The following MCF2L variants were observed in gnomAD, a reference collection of about 807,000 sequenced individuals.
MCF2L encodes the protein MCF.2 cell line derived transforming sequence like, also known as guanine nucleotide exchange factor DBS.
In MCF2L, 97 loss-of-function variants were observed where a neutral mutation model predicts 153.4. That is an observed-to-expected ratio of 0.63 (90% CI 0.54 to 0.75). MCF2L has a LOEUF of 0.75. MCF2L is among the 30% of genes least tolerant of loss of function. The probability of loss-of-function intolerance (pLI) is 0.00; values close to 1 mark genes in which losing one functional copy is unlikely to be tolerated. For missense variants in MCF2L, 1,347 were observed against 1,495.2 expected (o/e 0.90, Z 1.64); for synonymous variants, 659 against 632.2 (o/e 1.04, Z -0.64).
chr13:112,909,389 C>A, intron 2 of MCF2L: 1 of 757,296 alleles, frequency 1.3e-6, no homozygotes, highest in Non-Finnish European at 2.5e-6. Context: ...CAGGCTAAGG[C>A]GTTGATCCCA....
chr13:113,001,883 C>CG, intron 1 of MCF2L: 3 of 1,575,050 alleles, frequency 1.9e-6, no homozygotes, highest in Non-Finnish European at 2.6e-6. Flanking sequence ...GGAGCCGGGT[C>CG]GGGGGCTCCT....
intron 1 of MCF2L, among the ~76,000 whole-genome samples, chr13:112,898,720 C>A (rs991435561): frequency 1.3e-5 from 2 of 152,212 alleles, no homozygotes; most frequent in African/African-American, 4.8e-5. Flanking sequence ...TCCCTGCCCC[C>A]CAAGTCCCTG....
chr13:112,940,936 A>G (rs2081569572), intron 2 of MCF2L, among the ~76,000 whole-genome samples: 1 of 152,136 alleles, frequency 6.6e-6, no homozygotes, highest in Non-Finnish European at 1.5e-5. Context: ...TGGGGTCATG[A>G]TCGCTGAGCC....
intron 1 of MCF2L, among the ~76,000 whole-genome samples, chr13:113,005,513 T>C (rs2083633868): frequency 6.6e-6 from 1 of 152,038 alleles, no homozygotes; most frequent in Non-Finnish European, 1.5e-5. Flanking sequence ...TGGTTTGTGG[T>C]GGCCGTGGTC....
chr13:112,920,779 G>A (rs1393920081), intron 2 of MCF2L, among the ~76,000 whole-genome samples: 1 of 152,062 alleles, frequency 6.6e-6, no homozygotes, highest in Non-Finnish European at 1.5e-5. Context: ...GATTCAGAAG[G>A]TGGAGAGGAG....
chr13:112,997,943 G>A (rs1347326504), intron 1 of MCF2L, among the ~76,000 whole-genome samples: 1 of 152,260 alleles, frequency 6.6e-6, no homozygotes, highest in Admixed American at 6.5e-5. Context: ...GCTCTTGGCT[G>A]AGGTGCTGGG....
chr13:113,096,927 C>T lies in MCF2L; in HGVS notation c.*68C>T, dbSNP rs2035720799. 2 of 1,145,878 alleles carry T rather than the reference C, an allele frequency of 1.7e-6. No individual in the cohort carries two copies. The highest frequency in any genetic ancestry group is 7.0e-5 in the East Asian group (2 of 28,570). The allele number at this position is 1,145,878 out of a possible 1,614,324, so 71.0% of individuals were successfully genotyped here. On this transcript the variant is annotated 3_prime_UTR_variant, in exon 30 of 30. Transcript: ENST00000535094. The stretch of plus-strand genomic sequence containing the variant: ...GGTGGCGTGGGGAGGGCGCGGCCCC[C>T]GGACGCCCCGAGGAAGGGGCACCTC...
chr13:112,942,043 A>C (rs2081580185), intron 2 of MCF2L, among the ~76,000 whole-genome samples: 1 of 152,210 alleles, frequency 6.6e-6, no homozygotes, highest in Non-Finnish European at 1.5e-5. Context: ...CCCACTACTT[A>C]GCAGACCGGG....
chr13:112,900,082 G>C (rs1183121263), intron 1 of MCF2L, among the ~76,000 whole-genome samples: 1 of 152,150 alleles, frequency 6.6e-6, no homozygotes, highest in Admixed American at 6.5e-5. Context: ...TTTCCCTTTT[G>C]GAGGTTTCAG....
intron 18 of MCF2L, chr13:113,084,674 A>T: frequency 1.7e-6 from 1 of 583,546 alleles, no homozygotes; most frequent in Non-Finnish European, 3.1e-6. Context: ...GCTCTGGGAC[A>T]GGGAGCCCCA....
chr13:113,033,237 G>T (rs370621195), intron 3 of MCF2L, among the ~76,000 whole-genome samples: 12 of 87,488 alleles, frequency 1.4e-4, no homozygotes, highest in South Asian at 3.9e-4. Flanking sequence ...CCCGTGACGT[G>T]AGTGGCCCCC....
At chr13:113,005,840 G>T (rs193089103) in intron 1 of MCF2L, among the ~76,000 whole-genome samples, 1 of 152,194 alleles carries the variant, frequency 6.6e-6, no homozygotes, top group East Asian at 1.9e-4. Context: ...GCACGTGTGC[G>T]CCTTAAATAC....
At position 112,999,408 on chromosome 13, in the gene MCF2L, G is replaced by A. The variant is rs1294778905; in HGVS notation, c.80-15355G>A. Among the ~76,000 whole-genome samples, 2 of 152,248 alleles carry A rather than the reference G, an allele frequency of 1.3e-5. 1 individual carries two copies. Among genetic ancestry groups the A allele is most frequent in the Non-Finnish European group, 2.9e-5 (2 of 68,036 alleles). On this transcript the variant is annotated intron_variant, in intron 1 of 29. Transcript: ENST00000535094. ...CCCCACACGACGCCCTCTCCTTAGA[G>A]GACAGCCTCTGGCACCGCTCACTCA...
chr13:113,057,689 T>C (rs111634639), intron 4 of MCF2L, among the ~76,000 whole-genome samples: 4 of 143,582 alleles, frequency 2.8e-5, no homozygotes, highest in African/African-American at 7.9e-5. Context: ...TGTTGGGTGC[T>C]GAGTGTTTGG....
chr13:113,096,862 C>G lies in MCF2L; in HGVS notation c.*3C>G. On this transcript the variant is annotated 3_prime_UTR_variant, in exon 30 of 30. Transcript: ENST00000535094. ...CCTTCTCCGACCTGCAGGGGTAGCG[C>G]GGCCTCGGCGCCGGAGACCCGCGCG... 1 of 1,426,484 alleles carries G rather than the reference C, an allele frequency of 7.0e-7. No homozygotes were observed. The highest frequency in any genetic ancestry group is 9.1e-7 in the Non-Finnish European group (1 of 1,097,990). The allele number at this position is 1,426,484 out of a possible 1,614,324, so 88.4% of individuals were successfully genotyped here.
At chr13:112,937,001 G>A (rs945445900) in intron 2 of MCF2L, among the ~76,000 whole-genome samples, 1 of 152,150 alleles carries the variant, frequency 6.6e-6, no homozygotes, top group African/African-American at 2.4e-5. Flanking sequence ...AGATATGACT[G>A]TTCTCAGTCA....
At chr13:112,895,042 A>G (rs953890842) in intron 1 of MCF2L, among the ~76,000 whole-genome samples, 4 of 152,122 alleles carry the variant, frequency 2.6e-5, no homozygotes, top group Admixed American at 6.5e-5. Flanking sequence ...ACAGGTCCCC[A>G]AACAGACAGC....
upstream of MCF2L, among the ~76,000 whole-genome samples, chr13:112,966,405 C>G (rs1435043494): frequency 2.0e-5 from 3 of 152,202 alleles, no homozygotes; most frequent in Non-Finnish European, 4.4e-5. This position sits in a 1 kb window ranked among gnomAD's most constrained non-coding sequence, Gnocchi z 4.1. Context: ...CTGTCTTTTT[C>G]TCTCAAGCCC....
intron 5 of MCF2L, among the ~76,000 whole-genome samples, chr13:113,061,001 C>T (rs2031310335): frequency 6.6e-6 from 1 of 150,994 alleles, no homozygotes; most frequent in South Asian, 2.1e-4. Flanking sequence ...ACGCGACATT[C>T]ATACCCCCAG....
Sources: allele counts gnomAD v4.1 joint callset (sites outside exome capture counted in the v4.1 genomes callset), GRCh38; gene constraint gnomAD v4.1.1; non-coding constraint Gnocchi (gnomAD v3.1); transcripts MANE v1.5; gene names NCBI Gene and HGNC (gene_info 2026-07-23, HGNC 2026-07-21).